The following RASA2 variants were observed in gnomAD, a reference collection of about 807,000 sequenced individuals.
The protein encoded by RASA2 is RAS p21 protein activator 2, also known as ras GTPase-activating protein 2.
Under a neutral mutation model 118.2 loss-of-function variants are expected in RASA2, and 155 were observed. The observed-to-expected ratio is 1.31, with a 90% CI of 1.15 to 1.50. RASA2 has a LOEUF of 1.50. Among genes scored for constraint, RASA2 ranks in the 40% most tolerant of loss-of-function variants. RASA2 has a pLI of 0.00. For missense variants in RASA2, 1,016 were observed against 1,009.6 expected (o/e 1.01, Z -0.09); for synonymous variants, 353 against 349.1 (o/e 1.01, Z -0.12).
At chr3:141,554,674 A>G (rs913646124) in intron 6 of RASA2, among the ~76,000 whole-genome samples, 1 of 152,148 alleles carries the variant, frequency 6.6e-6, no homozygotes, top group Non-Finnish European at 1.5e-5. Context: ...CATCCCCAGA[A>G]TCTCTAGTTA....
In RASA2 at chr3:141,609,869, C is replaced by G; in HGVS notation, c.2330-8C>G. 5 of 1,537,168 alleles carry G rather than the reference C, an allele frequency of 3.3e-6. No homozygotes were observed. The highest frequency in any genetic ancestry group is 4.4e-6 in the Non-Finnish European group (5 of 1,148,056). On this transcript the variant is annotated splice_region_variant and splice_polypyrimidine_tract_variant and intron_variant, in intron 22 of 23. Transcript: ENST00000286364. The stretch of plus-strand genomic sequence containing the variant: ...CTGATCAGAGATTTATTTTCCTGCT[C>G]TTTGTAGAGGCTTGTGGAACTATTG...
chr3:141,605,837 A>G lies in RASA2; in HGVS notation c.1934-1841A>G, dbSNP rs115283197. On this transcript the variant is annotated intron_variant, in intron 19 of 23. Transcript: ENST00000286364. ...TTGAGTGTTGAGTAGCTTACTGCCA[A>G]TGATTATGAGGGAGGGACAGGACAA... Among the ~76,000 whole-genome samples, 1,027 of 151,866 alleles carry G rather than the reference A, an allele frequency of 6.8e-3. 18 individuals carry two copies. Among genetic ancestry groups the G allele is most frequent in the African/African-American group, 0.024 (1,000 of 41,338 alleles).
rs1577759657 is a variant in RASA2, at chr3:141,571,617, G to A, written c.1169+63G>A. 4 of 1,494,498 alleles carry A rather than the reference G, an allele frequency of 2.7e-6. No homozygotes were observed. The East Asian group carries it at 7.0e-5, about 26-fold the overall frequency. The allele number at this position is 1,494,498 out of a possible 1,614,324, so 92.6% of individuals were successfully genotyped here. On this transcript the variant is annotated intron_variant, in intron 11 of 23. Coordinates refer to ENST00000286364, the MANE Select transcript of RASA2 (RefSeq NM_006506.5). ...GTTGAAATTGGACCTTAGTTTGACA[G>A]ATTGATTTTGTAGTCTGAATTTTTT...
chr3:141,545,734 C>T (rs1463375225), intron 5 of RASA2, among the ~76,000 whole-genome samples: 1 of 152,072 alleles, frequency 6.6e-6, no homozygotes, highest in Non-Finnish European at 1.5e-5. Flanking sequence ...GCATGAGCCA[C>T]CAAGCCTGGC....
At chr3:141,579,364 A>G (rs955081170) in intron 15 of RASA2, 2 of 152,232 alleles carry the variant, frequency 1.3e-5, no homozygotes, top group African/African-American at 4.8e-5. Context: ...TTTTAAAAAA[A>G]TGAAGGAGCA....
intron 6 of RASA2, among the ~76,000 whole-genome samples, chr3:141,555,622 A>T (rs1441016410): frequency 1.3e-5 from 2 of 151,570 alleles, no homozygotes; most frequent in African/African-American, 4.9e-5. Flanking sequence ...TAGAGAGAAT[A>T]ATACAATCTT....
Position 141,540,621 on chromosome 3 carries a change from T to C in RASA2, c.527+12T>C, listed in dbSNP as rs760725774. 4 of 1,591,852 alleles carry C rather than the reference T, an allele frequency of 2.5e-6. No homozygotes were observed. Among genetic ancestry groups the C allele is most frequent in the Non-Finnish European group, 3.4e-6 (4 of 1,163,206 alleles). Reference sequence around the variant, plus strand: ...CAGCTTGTTGTACAGTAAGCATTTTTTTTAACCAAAATCAACTAGAAATAA... The same window carrying C: ...CAGCTTGTTGTACAGTAAGCATTTTCTTTAACCAAAATCAACTAGAAATAA... On this transcript the variant is annotated intron_variant, in intron 5 of 23. Transcript: ENST00000286364.
At chr3:141,602,773 C>T (rs1030223037) in intron 19 of RASA2, among the ~76,000 whole-genome samples, 1 of 152,194 alleles carries the variant, frequency 6.6e-6, no homozygotes, top group Admixed American at 6.5e-5. Context: ...GGCTTCCACC[C>T]TCTGTCATCT....
chr3:141,586,273 A>C, intron 18 of RASA2, among the ~76,000 whole-genome samples, 175 bp downstream of exon 18: 1 of 152,190 alleles, frequency 6.6e-6, no homozygotes, highest in South Asian at 2.1e-4. Flanking sequence ...GCAAAAAAGC[A>C]TGATTTCCTG....
At chr3:141,580,671 TC>T (rs1426634884) in intron 16 of RASA2, among the ~76,000 whole-genome samples, 1 of 151,920 alleles carries the variant, frequency 6.6e-6, no homozygotes, top group Non-Finnish European at 1.5e-5. Flanking sequence ...GTGTCTTTAA[TC>T]CCAGGAAGCC....
intron 1 of RASA2, among the ~76,000 whole-genome samples, chr3:141,509,580 G>A (rs750263389): frequency 2.0e-5 from 3 of 151,990 alleles, no homozygotes; most frequent in Non-Finnish European, 2.9e-5. Context: ...CCTATATTGC[G>A]ACCTAGTTGG....
At chr3:141,558,417 A>G (rs1418170416) in intron 7 of RASA2, among the ~76,000 whole-genome samples, 1 of 152,212 alleles carries the variant, frequency 6.6e-6, no homozygotes, top group South Asian at 2.1e-4. Context: ...ATACAGTTGT[A>G]TGATCACTAA....
Position 141,553,881 on chromosome 3 carries a change from T to A in RASA2, c.552T>A (p.Pro184=). ...GCATCAAGGCATGCCATGGGTTGCC[T>A]CTCATAAATGGCCAAAGCTGTGACC... ...VVHIKACHGL[P]LINGQSCDPY... is the part of the protein sequence containing the mutation. Residue 184 remains proline (P), a synonymous_variant, in exon 6 of 24, where the codon CCT becomes CCA. Transcript: ENST00000286364. The A allele has an allele frequency of 6.2e-7, 1 of 1,612,156 alleles. No homozygotes were observed. The highest frequency in any genetic ancestry group is 8.5e-7 in the Non-Finnish European group (1 of 1,178,846).
At chr3:141,594,276 GA>G (rs2107785799) in intron 19 of RASA2, among the ~76,000 whole-genome samples, 2 of 152,002 alleles carry the variant, frequency 1.3e-5, no homozygotes, top group South Asian at 4.2e-4. Flanking sequence ...AAACCTCAGT[GA>G]CCCTTTAGTA....
intron 5 of RASA2, among the ~76,000 whole-genome samples, chr3:141,544,493 T>C (rs1313219959): frequency 6.6e-6 from 1 of 152,228 alleles, no homozygotes; most frequent in Non-Finnish European, 1.5e-5. Context: ...GTGATTTCTA[T>C]TGTTATGTCT....
intron 19 of RASA2, among the ~76,000 whole-genome samples, chr3:141,602,052 A>G (rs778793993): frequency 5.3e-5 from 8 of 152,176 alleles, no homozygotes; most frequent in Non-Finnish European, 1.2e-4. Flanking sequence ...GAATTATTTC[A>G]GCATATTTAG....
intron 4 of RASA2, among the ~76,000 whole-genome samples, chr3:141,531,810 T>G (rs2082264915): frequency 1.3e-5 from 2 of 151,990 alleles, no homozygotes. Context: ...ACTTTTGGGT[T>G]AATATGGTAC....
rs113857162 is a variant in RASA2 at position 141,544,859 on chromosome 3, A to G, written c.527+4250A>G. Among the ~76,000 whole-genome samples the G allele has an allele frequency of 8.6e-3, 1,309 of 152,370 alleles. 22 individuals are homozygous for G. Among genetic ancestry groups the G allele is most frequent in the African/African-American group, 0.025 (1,050 of 41,586 alleles). ...AGGAACATAGGCGGAGCTGAAGGCC[A>G]TTATCCTTAGCAGACTAACGCAGAA... On this transcript the variant is annotated intron_variant, in intron 5 of 23. Transcript: ENST00000286364.
chr3:141,606,569 A>C (rs1389662560), intron 19 of RASA2, among the ~76,000 whole-genome samples: 2 of 152,210 alleles, frequency 1.3e-5, no homozygotes, highest in Non-Finnish European at 2.9e-5. Flanking sequence ...AGTGCCTGAT[A>C]TATAATAGAC....
Sources: allele counts gnomAD v4.1 joint callset (sites outside exome capture counted in the v4.1 genomes callset), GRCh38; gene constraint gnomAD v4.1.1; transcripts MANE v1.5; gene names NCBI Gene and HGNC (gene_info 2026-07-23, HGNC 2026-07-21).